TRPC4AP: variants seen among roughly 807,000 people sequenced by gnomAD.
TRPC4AP encodes short transient receptor potential channel 4-associated protein.
TRPC4AP carries 45 observed loss-of-function variants against 99.0 expected under a neutral mutation model. The observed-to-expected ratio is 0.45, with a 90% CI of 0.36 to 0.58. The LOEUF is 0.58. Among genes scored for constraint, TRPC4AP ranks in the 20% least tolerant of loss-of-function variants. The pLI is 0.00. For synonymous variants in TRPC4AP, 408 were observed against 385.8 expected, an observed-to-expected ratio of 1.06 and a Z score of -0.67; for missense variants, 879 against 985.3, an observed-to-expected ratio of 0.89 and a Z score of 1.44.
intron 1 of TRPC4AP, among the ~76,000 whole-genome samples, chr20:35,090,201 A>ACT (rs1221597989): frequency 3.8e-4 from 58 of 150,848 alleles, no homozygotes; most frequent in African/African-American, 1.4e-3. Flanking sequence ...AAAACTAAGA[A>ACT]AAGAAATATT....
At chr20:35,060,772 G>A (rs529768767) in intron 3 of TRPC4AP, among the ~76,000 whole-genome samples, 13 of 151,690 alleles carry the variant, frequency 8.6e-5, no homozygotes, top group African/African-American at 2.9e-4. Flanking sequence ...CAGAAAAAGC[G>A]TTTGGAAAAA....
chr20:35,035,827 G>GAGAA (rs764624854), intron 7 of TRPC4AP, among the ~76,000 whole-genome samples: 28 of 152,040 alleles, frequency 1.8e-4, no homozygotes, highest in East Asian at 5.8e-4. Context: ...TTACTTGTTA[G>GAGAA]AGAGTAAATT....
chr20:35,003,477 T>C lies in TRPC4AP; in HGVS notation c.2189A>G (p.His730Arg), dbSNP rs2082440522. 5.0e-6 allele frequency: 8 copies of C among 1,613,930 alleles called. No homozygotes were observed. Among genetic ancestry groups the C allele is most frequent in the Non-Finnish European group, 6.8e-6 (8 of 1,180,024 alleles). Residue 730 changes from histidine (H) to arginine (R), a missense_variant, in exon 18 of 19, where the codon CAC becomes CGC. This residue lies in a region of TRPC4AP where 224 missense variants were observed against 264.7 expected (regional missense o/e 0.85). Coordinates refer to ENST00000252015, the MANE Select transcript of TRPC4AP (RefSeq NM_015638.3). The part of the protein sequence containing the change: ...KYPGFLLNNF[H>R]NLLRFWQQHY... ...CTGCTGCCAGAAGCGCAGCAGGTTG[T>C]GGAAGTTGTTGAGCAGGAAGCCGGG... is the stretch of plus-strand genomic sequence containing the variant.
chr20:35,014,062 G>C (rs974039230), intron 10 of TRPC4AP, among the ~76,000 whole-genome samples: 2 of 152,190 alleles, frequency 1.3e-5, no homozygotes, highest in African/African-American at 2.4e-5. Flanking sequence ...GTATCCAAGG[G>C]GGAAACTAAC....
chr20:35,076,295 C>T (rs1247182629), intron 2 of TRPC4AP, among the ~76,000 whole-genome samples: 3 of 152,122 alleles, frequency 2.0e-5, no homozygotes, highest in Non-Finnish European at 4.4e-5. Flanking sequence ...AGCTTTGTTC[C>T]GTTGCTGGTG....
At position 35,031,927 on chromosome 20, in the gene TRPC4AP, T is replaced by C. The variant is rs77416002; in HGVS notation, c.1051+3196A>G. 2.8e-3 allele frequency among the ~76,000 whole-genome samples: 430 copies of C among 152,346 alleles called. 4 individuals carry two copies. The highest frequency in any genetic ancestry group is 1.0e-2 in the African/African-American group (414 of 41,574). ...TTTTTTTTGAGACAAAGTCTCACTT[T>C]GTCACCCAGGCGCAACTGCAGTGGC... On this transcript the variant is annotated intron_variant, in intron 8 of 18. Transcript: ENST00000252015.
chr20:35,064,324 T>A (rs1017288619), intron 3 of TRPC4AP, among the ~76,000 whole-genome samples: 3 of 152,248 alleles, frequency 2.0e-5, no homozygotes, highest in Non-Finnish European at 4.4e-5. Flanking sequence ...TTCCATAGCA[T>A]TTTTTAAATT....
intron 3 of TRPC4AP, among the ~76,000 whole-genome samples, chr20:35,058,416 A>T (rs1175630711): frequency 6.6e-6 from 1 of 152,250 alleles, no homozygotes; most frequent in Non-Finnish European, 1.5e-5. Context: ...CCACTGAACA[A>T]GCCTCAATAA....
At chr20:35,059,930 G>GAAGACA (rs1159280166) in intron 3 of TRPC4AP, among the ~76,000 whole-genome samples, 14 of 147,104 alleles carry the variant, frequency 9.5e-5, no homozygotes, top group Admixed American at 4.0e-4. Context: ...CAAAGACGAA[G>GAAGACA]AAGACGAAGA....
chr20:35,086,040 C>T (rs11907594), intron 1 of TRPC4AP, among the ~76,000 whole-genome samples: 20,826 of 151,114 alleles, frequency 0.14, 1,838 homozygotes, highest in African/African-American at 0.25. Context: ...CAGCCCTGCC[C>T]CCTTCCCCCT....
chr20:35,038,662 T>C (rs1389500772), intron 7 of TRPC4AP, among the ~76,000 whole-genome samples: 1 of 152,140 alleles, frequency 6.6e-6, no homozygotes, highest in Non-Finnish European at 1.5e-5. Flanking sequence ...TATAGAATAT[T>C]TTTCGAAGGA....
chr20:35,090,109 A>C (rs999418986), intron 1 of TRPC4AP, among the ~76,000 whole-genome samples: 2 of 151,984 alleles, frequency 1.3e-5, no homozygotes, highest in Non-Finnish European at 1.5e-5. Flanking sequence ...CTCAAAAAAA[A>C]AAAAGGGTAA....
intron 5 of TRPC4AP, among the ~76,000 whole-genome samples, chr20:35,050,712 C>CA (rs77989763): frequency 0.12 from 16,154 of 139,352 alleles, 1,015 homozygotes; most frequent in African/African-American, 0.16. Context: ...GACCCTAACT[C>CA]AAAAAAAAAA....
At chr20:35,071,888 T>A (rs1332789472) in intron 2 of TRPC4AP, among the ~76,000 whole-genome samples, 2 of 145,858 alleles carry the variant, frequency 1.4e-5, no homozygotes, top group African/African-American at 5.0e-5. Context: ...TGAACTAGTT[T>A]ACAGTCCCAC....
chr20:35,086,551 G>GTATA (rs1569158143), intron 1 of TRPC4AP, among the ~76,000 whole-genome samples: 3 of 80,358 alleles, frequency 3.7e-5, no homozygotes, highest in Admixed American at 1.7e-4. Flanking sequence ...GTGTGTGTGT[G>GTATA]TGTGTGTGTG....
chr20:35,024,130 CTT>C (rs11473089), intron 8 of TRPC4AP, among the ~76,000 whole-genome samples: 1 of 146,330 alleles, frequency 6.8e-6, no homozygotes. Flanking sequence ...TGCACACTCA[CTT>C]TTTTTTTTTT....
chr20:35,086,533 G>GTCTATATATATGTGTATATATATATA (rs1308760481), intron 1 of TRPC4AP, among the ~76,000 whole-genome samples: 1 of 73,474 alleles, frequency 1.4e-5, no homozygotes. Context: ...ATATGTGTGT[G>GTCTATATATATGTGTATATATATATA]TGTGTGTGTG....
intron 8 of TRPC4AP, among the ~76,000 whole-genome samples, chr20:35,022,383 T>C (rs2082911898): frequency 6.6e-6 from 1 of 152,228 alleles, no homozygotes; most frequent in Admixed American, 6.5e-5. Context: ...CTTGAACTCC[T>C]GACCTCAAGT....
chr20:35,092,729 G>A lies in TRPC4AP; in HGVS notation c.53C>T (p.Ser18Leu), dbSNP rs756008602. The stretch of plus-strand genomic sequence containing the variant: ...GCCCCAAGCCGCCACTGTGGCTGCC[G>A]ACCGTCTCCCTCGGCCGGCTCCAGA... ...AGSGAGRGRR[S>L]AATVAAWGGW... The change falls in exon 1 of 19, where the codon TCG becomes TTG. Residue 18 changes from serine to leucine, a missense_variant. By Grantham distance (145) the Ser-to-Leu change is moderately radical. Transcript: ENST00000252015. 12 of 1,560,412 alleles carry A rather than the reference G, an allele frequency of 7.7e-6. No individual in the cohort carries two copies. The highest frequency in any genetic ancestry group is 1.0e-5 in the Non-Finnish European group (12 of 1,164,536).
Sources: allele counts gnomAD v4.1 joint callset (sites outside exome capture counted in the v4.1 genomes callset), GRCh38; gene constraint gnomAD v4.1.1; regional missense constraint gnomAD v4.1.1; transcripts MANE v1.5; gene names NCBI Gene and HGNC (gene_info 2026-07-23, HGNC 2026-07-21).